Variants in CXADR observed in about 807,000 individuals in gnomAD.
CXADR encodes coxsackievirus and adenovirus receptor.
A neutral mutation model predicts 40.3 loss-of-function variants in CXADR; 20 were observed. That is an observed-to-expected ratio of 0.50 (90% CI 0.35 to 0.72). The LOEUF (loss-of-function observed/expected upper bound fraction) is 0.72, where lower values mean the gene tolerates loss of function less well. Ranked by LOEUF, CXADR falls within the 30% of genes least tolerant of loss-of-function variation. CXADR has a pLI of 0.01. For synonymous variants in CXADR, 150 were observed against 161.3 expected, an observed-to-expected ratio of 0.93 and a Z score of 0.53; for missense variants, 332 against 449.1, an observed-to-expected ratio of 0.74 and a Z score of 2.36.
the CXADR span, among the ~76,000 whole-genome samples, chr21:17,624,598 T>C: frequency 6.6e-6 from 1 of 152,222 alleles, no homozygotes; most frequent in Non-Finnish European, 1.5e-5. Context: ...TAAGGGCTCA[T>C]GTGACTCTAT....
chr21:17,582,504 A>G (rs1301748449), intron 7 of CXADR, among the ~76,000 whole-genome samples: 2 of 151,954 alleles, frequency 1.3e-5, no homozygotes. Context: ...TTGAAATTGT[A>G]CCCTCACTGG....
intron 7 of CXADR, chr21:17,593,116 ACT>A: frequency 7.6e-7 from 1 of 1,318,726 alleles, no homozygotes. Context: ...AAAAATCAAA[ACT>A]CTTATAGAGA....
intron 5 of CXADR, among the ~76,000 whole-genome samples, chr21:17,561,107 C>T (rs1207776532): frequency 6.6e-6 from 1 of 152,120 alleles, no homozygotes; most frequent in African/African-American, 2.4e-5. Context: ...ACCAAGATAG[C>T]TTTGAATATT....
the CXADR span, among the ~76,000 whole-genome samples, chr21:17,600,837 G>A: frequency 6.6e-6 from 1 of 151,916 alleles, no homozygotes; most frequent in South Asian, 2.1e-4. Context: ...ACATAACTTC[G>A]CTTTTGTATT....
chr21:17,520,920 T>G (rs546611954), intron 1 of CXADR, among the ~76,000 whole-genome samples: 1 of 152,238 alleles, frequency 6.6e-6, no homozygotes, highest in Admixed American at 6.5e-5. Context: ...ACAGGTAGTA[T>G]TTGAGGTGCC....
chr21:17,602,888 A>T, the CXADR span, among the ~76,000 whole-genome samples: 2 of 152,246 alleles, frequency 1.3e-5, no homozygotes, highest in Non-Finnish European at 2.9e-5. Context: ...CTTGTTAAAC[A>T]TCCTTGGACA....
At chr21:17,548,421 C>A (rs1448313720) in intron 2 of CXADR, among the ~76,000 whole-genome samples, 3 of 152,166 alleles carry the variant, frequency 2.0e-5, no homozygotes, top group Non-Finnish European at 4.4e-5. Flanking sequence ...CAAAATAAAT[C>A]GGGCCTGACT....
intron 1 of CXADR, among the ~76,000 whole-genome samples, chr21:17,537,279 T>A (rs2060770669): frequency 6.6e-6 from 1 of 152,210 alleles, no homozygotes; most frequent in South Asian, 2.1e-4. Context: ...TTGTTGTCAA[T>A]TTTTTTCACT....
chr21:17,548,476 A>T (rs2060926101), intron 2 of CXADR, among the ~76,000 whole-genome samples: 1 of 151,484 alleles, frequency 6.6e-6, no homozygotes. Flanking sequence ...TGTCACTCTT[A>T]CCTCCCCCTT....
chr21:17,531,093 TTC>T (rs2060668790), intron 1 of CXADR, among the ~76,000 whole-genome samples: 1 of 150,470 alleles, frequency 6.6e-6, no homozygotes, highest in African/African-American at 2.4e-5. Flanking sequence ...AGGTCAGGAG[TTC>T]AAGACCAGAC....
intron 1 of CXADR, among the ~76,000 whole-genome samples, chr21:17,546,600 A>G (rs1377174209): frequency 6.6e-6 from 1 of 152,180 alleles, no homozygotes; most frequent in Admixed American, 6.5e-5. Flanking sequence ...ATCCACCCCC[A>G]TGATCCAGTC....
At chr21:17,605,274 A>C in the CXADR span, 1 of 249,590 alleles carries the variant, frequency 4.0e-6, no homozygotes, top group Non-Finnish European at 7.6e-6. Context: ...TGTACATTAA[A>C]TGAGCACGGA....
the CXADR span, among the ~76,000 whole-genome samples, chr21:17,620,969 A>C: frequency 1.3e-5 from 2 of 152,236 alleles, no homozygotes; most frequent in Non-Finnish European, 2.9e-5. Flanking sequence ...TCCACTGGCA[A>C]GATTTTTATG....
intron 1 of CXADR, among the ~76,000 whole-genome samples, chr21:17,524,066 G>A (rs1180782737): frequency 6.6e-6 from 1 of 151,098 alleles, no homozygotes. Context: ...GTGTGTGTGT[G>A]TATTTTTAGT....
intron 7 of CXADR, among the ~76,000 whole-genome samples, chr21:17,582,994 T>G (rs2061371610): frequency 1.3e-5 from 2 of 152,224 alleles, no homozygotes; most frequent in Non-Finnish European, 2.9e-5. Flanking sequence ...CTTGCGATTC[T>G]GGGAGGAGAG....
intron 7 of CXADR, among the ~76,000 whole-genome samples, chr21:17,576,029 A>G (rs1189914651): frequency 6.8e-6 from 1 of 147,244 alleles, no homozygotes; most frequent in African/African-American, 2.5e-5. Context: ...CAGAGGTTGC[A>G]GTGAGCCGAG....
chr21:17,545,783 T>C (rs4818361), intron 1 of CXADR, among the ~76,000 whole-genome samples: 44 of 27,492 alleles, frequency 1.6e-3, no homozygotes, highest in Non-Finnish European at 7.8e-3. Context: ...TTTTTTTTGT[T>C]TTTTTTTTTT....
At chr21:17,530,531 A>T in intron 1 of CXADR, 1 of 419,018 alleles carries the variant, frequency 2.4e-6, no homozygotes, top group East Asian at 8.0e-5. Flanking sequence ...ACTACTGTGA[A>T]GGCCGGGCGT....
At chr21:17,593,112 CAA>C (rs2061455693) in intron 7 of CXADR, 1 of 1,314,422 alleles carries the variant, frequency 7.6e-7, no homozygotes, top group African/African-American at 1.5e-5. Context: ...GGAGAAAAAT[CAA>C]AACTCTTATA....
Sources: gnomAD v4.1 joint callset for allele counts (sites outside exome capture counted in the v4.1 genomes callset) on GRCh38, gnomAD v4.1.1 for gene constraint, MANE v1.5 for transcripts, NCBI Gene and HGNC (gene_info 2026-07-23, HGNC 2026-07-21) for gene names.